Variants in ZMIZ1 observed in about 807,000 individuals in gnomAD.
The protein encoded by ZMIZ1 is zinc finger MIZ domain-containing protein 1.
Under a neutral mutation model 113.9 loss-of-function variants are expected in ZMIZ1, and 17 were observed. The observed-to-expected ratio is 0.15, with a 90% CI of 0.10 to 0.22. The LOEUF (loss-of-function observed/expected upper bound fraction) is 0.22. Ranked by LOEUF, ZMIZ1 falls within the 10% of genes least tolerant of loss-of-function variation. The probability of loss-of-function intolerance (pLI) is 1.00; values close to 1 mark genes in which losing one functional copy is unlikely to be tolerated. For missense variants in ZMIZ1, 1,059 were observed against 1,477.8 expected (o/e 0.72, Z 4.65); for synonymous variants, 607 against 603.1 (o/e 1.01, Z -0.09).
Position 79,118,231 on chromosome 10 carries a change from G to A in ZMIZ1, c.-336-684G>A, listed in dbSNP as rs114054764. ...TCTAGAATCGAATAGAGGAAGGGAT[G>A]GGGGGAGGCCTCCTGACTTCAGTCA... On this transcript the variant is annotated intron_variant, in intron 1 of 24. Transcript: ENST00000334512. The surrounding 1 kb of genome is among the most constrained non-coding windows in gnomAD (Gnocchi z 4.1). Among the ~76,000 whole-genome samples the A allele has an allele frequency of 0.017, 2,566 of 152,280 alleles. 91 individuals are homozygous for A. The highest frequency in any genetic ancestry group is 0.058 in the African/African-American group (2,411 of 41,554).
At chr10:79,171,854 T>C (rs1564696862) in intron 4 of ZMIZ1, among the ~76,000 whole-genome samples, 1 of 152,276 alleles carries the variant, frequency 6.6e-6, no homozygotes, top group East Asian at 1.9e-4. Flanking sequence ...GGCCCTGTCC[T>C]GCGACAGGAA....
intron 7 of ZMIZ1, among the ~76,000 whole-genome samples, chr10:79,268,134 T>G (rs1169393066): frequency 6.6e-6 from 1 of 152,192 alleles, no homozygotes; most frequent in Admixed American, 6.5e-5. Context: ...CTGGGTGAGA[T>G]GCTGGGAACA....
chr10:79,292,719 GTC>G, intron 11 of ZMIZ1: 1 of 474,608 alleles, frequency 2.1e-6, no homozygotes, highest in East Asian at 6.3e-5. Context: ...TGACCGGTCT[GTC>G]TCCTGGATTG....
intron 4 of ZMIZ1, among the ~76,000 whole-genome samples, chr10:79,192,353 T>A (rs1847640689): frequency 6.6e-6 from 1 of 152,266 alleles, no homozygotes. Flanking sequence ...CATAGCTGTG[T>A]GGGGCTGACT....
At chr10:79,081,760 ACTT>A (rs1842666246) in intron 1 of ZMIZ1, among the ~76,000 whole-genome samples, 1 of 152,342 alleles carries the variant, frequency 6.6e-6, no homozygotes, top group South Asian at 2.1e-4. Flanking sequence ...TAGAGACAGA[ACTT>A]CTGGCCTCCT....
At chr10:79,260,491 G>T (rs538444259) in intron 7 of ZMIZ1, among the ~76,000 whole-genome samples, 2 of 152,340 alleles carry the variant, frequency 1.3e-5, no homozygotes, top group South Asian at 4.1e-4. Context: ...CCAGGCAGAG[G>T]TGGCAAAGTC....
chr10:79,100,486 G>C (rs533555902), intron 1 of ZMIZ1, among the ~76,000 whole-genome samples: 50 of 152,132 alleles, frequency 3.3e-4, no homozygotes, highest in Admixed American at 7.2e-4. Context: ...GGCCTGGGTG[G>C]GTGGGAGGCA....
chr10:79,082,414 C>T (rs568280246), intron 1 of ZMIZ1, among the ~76,000 whole-genome samples: 1 of 152,348 alleles, frequency 6.6e-6, no homozygotes, highest in African/African-American at 2.4e-5. Flanking sequence ...ATTTGGTGGC[C>T]TAGACCATGG....
At chr10:79,127,944 C>T (rs766969869) in intron 2 of ZMIZ1, among the ~76,000 whole-genome samples, 7 of 152,236 alleles carry the variant, frequency 4.6e-5, no homozygotes, top group South Asian at 2.1e-4. Context: ...GCTCAGCCAG[C>T]GCCTGCCTGC....
At chr10:79,075,927 G>T (rs10762841) in intron 1 of ZMIZ1, among the ~76,000 whole-genome samples, 3 of 151,966 alleles carry the variant, frequency 2.0e-5, no homozygotes, top group African/African-American at 4.8e-5. Flanking sequence ...TTCCCAATCC[G>T]CAGGGGATGA....
chr10:79,225,025 C>G (rs1358785807), intron 7 of ZMIZ1, among the ~76,000 whole-genome samples: 2 of 152,148 alleles, frequency 1.3e-5, no homozygotes, highest in Non-Finnish European at 2.9e-5. Flanking sequence ...ATTTCTCCAC[C>G]ATCTCTCCAC....
intron 2 of ZMIZ1, among the ~76,000 whole-genome samples, chr10:79,119,295 C>T (rs1369660751): frequency 6.6e-6 from 1 of 152,208 alleles, no homozygotes; most frequent in Non-Finnish European, 1.5e-5. Flanking sequence ...TAGCCCTTTC[C>T]TTCTAGAGGG....
At chr10:79,092,049 G>A (rs1338392450) in intron 1 of ZMIZ1, among the ~76,000 whole-genome samples, 2 of 152,120 alleles carry the variant, frequency 1.3e-5, no homozygotes, top group African/African-American at 2.4e-5. Context: ...GTTCCCACCA[G>A]CCCCGCTCCA....
chr10:79,299,021 G>T, intron 15 of ZMIZ1, 29 bp from the exon 16 acceptor site: 1 of 1,585,994 alleles, frequency 6.3e-7, no homozygotes. Flanking sequence ...TGAGGCTTGT[G>T]GCTCACCCAC....
chr10:79,176,557 C>T (rs928104772), intron 4 of ZMIZ1, among the ~76,000 whole-genome samples: 8 of 152,014 alleles, frequency 5.3e-5, no homozygotes, highest in Non-Finnish European at 5.9e-5. Context: ...GCATAACATT[C>T]GGTGCACACT....
chr10:79,296,450 C>A lies in ZMIZ1; in HGVS notation c.1231-21C>A. The stretch of plus-strand genomic sequence containing the variant: ...TGGCAACATTGAACGTGTTTCCCCT[C>A]TCCTTTCTCTCCCACCACAGCCCAA... On this transcript the variant is annotated intron_variant, in intron 12 of 24. Transcript: ENST00000334512. This position sits in a 1 kb window ranked among gnomAD's most constrained non-coding sequence, Gnocchi z 4.1. The A allele has an allele frequency of 6.2e-7, 1 of 1,613,466 alleles. No individual in the cohort carries two copies. Among genetic ancestry groups the A allele is most frequent in the Non-Finnish European group, 8.5e-7 (1 of 1,179,660 alleles).
intron 3 of ZMIZ1, among the ~76,000 whole-genome samples, chr10:79,151,345 C>G (rs1218881911): frequency 1.3e-5 from 2 of 152,210 alleles, no homozygotes; most frequent in African/African-American, 2.4e-5. Flanking sequence ...TGCGGCCCTT[C>G]CCTTTGAATC....
chr10:79,151,924 G>C (rs2132454535), intron 3 of ZMIZ1, among the ~76,000 whole-genome samples: 1 of 152,290 alleles, frequency 6.6e-6, no homozygotes, highest in Admixed American at 6.5e-5. Flanking sequence ...TGCGTGCTGT[G>C]CTGGCTCCTC....
At chr10:79,199,742 TG>T (rs1564714805) in intron 4 of ZMIZ1, among the ~76,000 whole-genome samples, 1 of 152,250 alleles carries the variant, frequency 6.6e-6, no homozygotes, top group Non-Finnish European at 1.5e-5. Context: ...GGACGGGGTC[TG>T]GACCCAGGAC....
Sources: allele counts gnomAD v4.1 joint callset (sites outside exome capture counted in the v4.1 genomes callset), GRCh38; gene constraint gnomAD v4.1.1; non-coding constraint Gnocchi (gnomAD v3.1); transcripts MANE v1.5; gene names NCBI Gene and HGNC (gene_info 2026-07-23, HGNC 2026-07-21).